SGK1: variants seen among roughly 807,000 people sequenced by gnomAD.
SGK1 encodes serine/threonine-protein kinase Sgk1.
Under a neutral mutation model 64.2 loss-of-function variants are expected in SGK1, and 26 were observed. The observed-to-expected ratio is 0.40, with a 90% confidence interval of 0.30 to 0.56. The LOEUF (loss-of-function observed/expected upper bound fraction) is 0.56. SGK1 is among the 20% of genes least tolerant of loss of function. SGK1 has a pLI of 0.38. For missense variants in SGK1, 519 were observed against 645.6 expected (o/e 0.80, Z 2.12); for synonymous variants, 265 against 239.7 (o/e 1.11, Z -0.98).
chr6:134,171,102 A>G lies in SGK1; in HGVS notation c.1244T>C (p.Ile415Thr). The G allele has an allele frequency of 6.2e-7, 1 of 1,614,120 alleles. No homozygotes were observed. Among genetic ancestry groups the G allele is most frequent in the African/African-American group, 1.3e-5 (1 of 75,010 alleles). Residue 415 changes from isoleucine to threonine, a missense_variant, in exon 12 of 14, where the codon ATT becomes ACT. Ile to Thr is a moderately conservative substitution (Grantham distance 89). Around this residue, in one of 2 missense-constraint regions of SGK1, gnomAD observed 278 missense variants for 408.7 expected, o/e 0.68. Coordinates refer to ENST00000367858, the MANE Select transcript of SGK1 (RefSeq NM_001143676.3). ...LNKPLQLKPN[I>T]TNSARHLLEG... ...CAGGAGGTGTCTTGCGGAATTTGTA[A>G]TATTTGGTTTCAGCTGGAGAGGCTT... is the stretch of plus-strand genomic sequence containing the variant.
rs142077418 is a variant in SGK1, at chr6:134,188,061, G to A, written c.362-13475C>T. Among the ~76,000 whole-genome samples the A allele has an allele frequency of 4.5e-4, 69 of 152,290 alleles. 1 individual carries two copies. Among genetic ancestry groups the A allele is most frequent in the African/African-American group, 1.6e-3 (67 of 41,568 alleles). On this transcript the variant is annotated intron_variant, in intron 3 of 13. Transcript: ENST00000367858. ...GCATAACCTCCATCCTTGCCACCAT[G>A]GCTACTTTGTTTATGAGCTCACTGG...
chr6:134,288,146 T>C (rs1038264914), intron 1 of SGK1, among the ~76,000 whole-genome samples: 1 of 152,182 alleles, frequency 6.6e-6, no homozygotes, highest in Non-Finnish European at 1.5e-5. Context: ...GAAGGCAAAT[T>C]AAGTTTAGCC....
In SGK1 at chr6:134,171,905, G is replaced by A. The variant is rs1309386015; in HGVS notation, c.1072-173C>T. 3 of 623,440 alleles carry A rather than the reference G, an allele frequency of 4.8e-6. No individual in the cohort carries two copies. The East Asian group carries it at 8.2e-5, about 17-fold the overall frequency. 38.6% of individuals were successfully genotyped at this position (623,440 alleles called of 1,614,324 possible). On this transcript the variant is annotated intron_variant, in intron 10 of 13. Transcript: ENST00000367858. ...TTTTTGAGGGTGACTGGCTACCTAT[G>A]TGTACTGACATTTAGGAAACTGCTG...
At chr6:134,307,200 A>C (rs1777547732) in intron 1 of SGK1, among the ~76,000 whole-genome samples, 1 of 152,240 alleles carries the variant, frequency 6.6e-6, no homozygotes, top group Admixed American at 6.5e-5. Context: ...CAATGGCTTC[A>C]CCAACTTATT....
chr6:134,255,037 T>G (rs1036263039), intron 2 of SGK1, among the ~76,000 whole-genome samples: 1 of 151,916 alleles, frequency 6.6e-6, no homozygotes, highest in Non-Finnish European at 1.5e-5. Context: ...CCTGGCTAAT[T>G]TTTTGTATTT....
At chr6:134,225,078 G>T (rs1299246595) in intron 2 of SGK1, among the ~76,000 whole-genome samples, 7 of 151,120 alleles carry the variant, frequency 4.6e-5, no homozygotes, top group Non-Finnish European at 8.8e-5. Context: ...GGCCGATGCG[G>T]TGGCTCATGG....
chr6:134,308,597 C>T (rs2010698), intron 1 of SGK1, among the ~76,000 whole-genome samples: 3,663 of 152,200 alleles, frequency 0.024, 66 homozygotes, highest in East Asian at 0.08. Context: ...CTCTCTGTCA[C>T]CCAGCCTGGC....
chr6:134,225,407 G>T (rs75298916), intron 2 of SGK1, among the ~76,000 whole-genome samples: 1,829 of 151,610 alleles, frequency 0.012, 38 homozygotes, highest in African/African-American at 0.042. Flanking sequence ...TCTGGCCAAG[G>T]ATCAAACAGA....
At position 134,261,783 on chromosome 6, in the gene SGK1, T is replaced by C. The variant is rs748535378; in HGVS notation, c.285+150A>G. 10 of 671,994 alleles carry C rather than the reference T, an allele frequency of 1.5e-5. No homozygotes were observed. The South Asian group carries it at 1.5e-4, about 10-fold the overall frequency. The allele number at this position is 671,994 out of a possible 1,614,324, so 41.6% of individuals were successfully genotyped here. A position where few individuals can be genotyped will look rare whatever the true frequency, so the allele number is the denominator to read the frequency against. On this transcript the variant is annotated intron_variant, in intron 2 of 13. Transcript: ENST00000367858. ...ACTTTAAAAAAATAACATAATGAGC[T>C]AACAAAGACCACAATTCTAGGTCTT...
chr6:134,235,378 A>G (rs1776345833), intron 2 of SGK1, among the ~76,000 whole-genome samples: 1 of 152,104 alleles, frequency 6.6e-6, no homozygotes, highest in Non-Finnish European at 1.5e-5. Context: ...AAATTACTGG[A>G]ACATAGTAAA....
At chr6:134,234,150 A>G (rs890221261) in intron 2 of SGK1, among the ~76,000 whole-genome samples, 5 of 152,272 alleles carry the variant, frequency 3.3e-5, no homozygotes, top group Non-Finnish European at 7.3e-5. Flanking sequence ...CTGTGATTCC[A>G]TCACTCTAGG....
intron 2 of SGK1, 49 bp downstream of exon 2, chr6:134,261,884 G>C (rs2114748311): frequency 7.3e-7 from 1 of 1,368,688 alleles, no homozygotes; most frequent in East Asian, 2.3e-5. Context: ...GAAAAACAAA[G>C]GCCCAGAATT....
intron 2 of SGK1, among the ~76,000 whole-genome samples, chr6:134,234,642 C>T (rs9493868): frequency 0.1 from 15,164 of 152,020 alleles, 917 homozygotes; most frequent in African/African-American, 0.17. Flanking sequence ...TTTGGGAGGC[C>T]GGGGCGGGTG....
intron 3 of SGK1, among the ~76,000 whole-genome samples, chr6:134,187,881 A>G (rs189039182): frequency 2.0e-5 from 3 of 152,316 alleles, no homozygotes; most frequent in Admixed American, 1.3e-4. Context: ...TGTCCAATAT[A>G]ATCAGCCTGC....
In SGK1 at chr6:134,239,070, A is replaced by C. The variant is rs1428979249; in HGVS notation, c.285+22863T>G. 3.3e-5 allele frequency among the ~76,000 whole-genome samples: 5 copies of C among 152,244 alleles called. No homozygotes were observed. In the South Asian group the frequency reaches 8.3e-4, roughly 25 times the overall value. On this transcript the variant is annotated intron_variant, in intron 2 of 13. Coordinates refer to ENST00000367858, the MANE Select transcript of SGK1 (RefSeq NM_001143676.3). ...TCAGAACAGTCTAACAGCTGAACGC[A>C]TACTTGGCAAGAAGAGAGCTGCTGT... is the stretch of plus-strand genomic sequence containing the variant.
chr6:134,229,128 G>A (rs1355921350), intron 2 of SGK1, among the ~76,000 whole-genome samples: 1 of 152,202 alleles, frequency 6.6e-6, no homozygotes, highest in Non-Finnish European at 1.5e-5. Flanking sequence ...ACCGCGCCCA[G>A]CGCGGGTCTT....
intron 2 of SGK1, among the ~76,000 whole-genome samples, chr6:134,213,531 A>AAATAAATAAATAAAT (rs1370760651): frequency 7.5e-6 from 1 of 133,240 alleles, no homozygotes; most frequent in Admixed American, 7.3e-5. Flanking sequence ...CAAAATAAAT[A>AAATAAATAAATAAAT]AATAAATAAA....
intron 1 of SGK1, among the ~76,000 whole-genome samples, chr6:134,277,703 A>T (rs964335068): frequency 6.6e-6 from 1 of 152,210 alleles, no homozygotes; most frequent in Non-Finnish European, 1.5e-5. Context: ...ATCTAAAATA[A>T]CACCATATAG....
At chr6:134,247,906 C>T (rs188508854) in intron 2 of SGK1, among the ~76,000 whole-genome samples, 39 of 152,190 alleles carry the variant, frequency 2.6e-4, no homozygotes, top group African/African-American at 9.2e-4. Context: ...TTCATAATAA[C>T]CATTACCAAT....
Sources: gnomAD v4.1 joint callset for allele counts (sites outside exome capture counted in the v4.1 genomes callset) on GRCh38, gnomAD v4.1.1 for gene constraint, gnomAD v4.1.1 regional missense constraint, MANE v1.5 for transcripts, NCBI Gene and HGNC (gene_info 2026-07-23, HGNC 2026-07-21) for gene names.